OLFM2: variants seen among roughly 807,000 people sequenced by gnomAD.
OLFM2 encodes the protein noelin-2.
In OLFM2, 20 loss-of-function variants were observed where a neutral mutation model predicts 43.9. The observed-to-expected ratio is 0.46, with a 90% CI of 0.32 to 0.66. The LOEUF (loss-of-function observed/expected upper bound fraction) is 0.66. Ranked by LOEUF, OLFM2 falls within the 30% of genes least tolerant of loss-of-function variation. The pLI, the probability that OLFM2 is intolerant of heterozygous loss-of-function variation, is 0.04. For synonymous variants in OLFM2, 268 were observed against 278.6 expected, an observed-to-expected ratio of 0.96 and a Z score of 0.38; for missense variants, 416 against 643.6, an observed-to-expected ratio of 0.65 and a Z score of 3.83.
In OLFM2 at chr19:9,875,284, T is replaced by C. The variant is rs144341911; in HGVS notation, c.64-14490A>G. Among the ~76,000 whole-genome samples, 8 of 152,270 alleles carry C rather than the reference T, an allele frequency of 5.3e-5. No homozygotes were observed. In the East Asian group the frequency reaches 1.5e-3, roughly 29 times the overall value. On this transcript the variant is annotated intron_variant, in intron 1 of 5. Coordinates refer to ENST00000264833, the MANE Select transcript of OLFM2 (RefSeq NM_058164.4). Reference sequence around the variant, plus strand: ...GAGAGATCTTTCTAGCAAGATGGGGTTTCTTCCTTCACGGAGCTGTCACTT... The same window carrying C: ...GAGAGATCTTTCTAGCAAGATGGGGCTTCTTCCTTCACGGAGCTGTCACTT...
At position 9,885,817 on chromosome 19, in the gene OLFM2, G is replaced by A. The variant is rs116701974; in HGVS notation, c.64-25023C>T. The stretch of plus-strand genomic sequence containing the variant: ...CTGACTTTCAATTATGTGCTCCACA[G>A]TCAGGCACGGTGGCTCATGCCTGTA... On this transcript the variant is annotated intron_variant, in intron 1 of 5. Transcript: ENST00000264833. Among the ~76,000 whole-genome samples, 459 of 152,230 alleles carry A rather than the reference G, an allele frequency of 3.0e-3. 5 individuals carry two copies. The highest frequency in any genetic ancestry group is 1.0e-2 in the African/African-American group (415 of 41,550).
At chr19:9,912,062 C>T (rs1259316308) in intron 1 of OLFM2, among the ~76,000 whole-genome samples, 5 of 152,146 alleles carry the variant, frequency 3.3e-5, no homozygotes, top group Admixed American at 2.0e-4. Flanking sequence ...GAAGGCACAT[C>T]GGACCCCATG....
intron 1 of OLFM2, among the ~76,000 whole-genome samples, chr19:9,882,267 G>A (rs1021473637): frequency 5.2e-4 from 78 of 150,250 alleles, no homozygotes; most frequent in African/African-American, 6.9e-4. Context: ...GGCCAGGCGC[G>A]GTGGCTCATG....
At position 9,871,529 on chromosome 19, in the gene OLFM2, C is replaced by T. The variant is rs954688049; in HGVS notation, c.64-10735G>A. Among the ~76,000 whole-genome samples the T allele has an allele frequency of 8.0e-5, 12 of 150,672 alleles. No individual in the cohort carries two copies. The East Asian group carries it at 2.3e-3, about 29-fold the overall frequency. ...CGAAGGTTGCAGTGAGCTGAGATCC[C>T]GCCATTGCACTCCAGCCTGGGCCAC... On this transcript the variant is annotated intron_variant, in intron 1 of 5. Coordinates refer to ENST00000264833, the MANE Select transcript of OLFM2 (RefSeq NM_058164.4).
chr19:9,907,897 T>G (rs558430366), intron 1 of OLFM2, among the ~76,000 whole-genome samples: 3 of 151,664 alleles, frequency 2.0e-5, no homozygotes, highest in Non-Finnish European at 4.4e-5. Flanking sequence ...CCTAGCTACT[T>G]GGGAGGCTGA....
At chr19:9,928,806 A>C (rs2086467459) in intron 1 of OLFM2, among the ~76,000 whole-genome samples, 3 of 151,116 alleles carry the variant, frequency 2.0e-5, no homozygotes, top group African/African-American at 7.3e-5. Context: ...CTCTGTCTAA[A>C]AAAAAAAAAA....
chr19:9,854,097 G>C lies in OLFM2; in HGVS notation c.*89C>G, dbSNP rs1181591638. ...GGAGAAAGGGCGTGACAGAGACAGA[G>C]AGATCACCCTTGAGGGACACAGGCA... On this transcript the variant is annotated 3_prime_UTR_variant, in exon 6 of 6. Coordinates refer to ENST00000264833, the MANE Select transcript of OLFM2 (RefSeq NM_058164.4). The surrounding 1 kb of genome is among the most constrained non-coding windows in gnomAD (Gnocchi z 9.5). 6 of 1,186,680 alleles carry C rather than the reference G, an allele frequency of 5.1e-6. No individual in the cohort carries two copies. The Admixed American group carries it at 5.9e-5, about 12-fold the overall frequency. The allele number at this position is 1,186,680 out of a possible 1,614,324, so 73.5% of individuals were successfully genotyped here.
At chr19:9,855,484 T>C (rs2046309352) in intron 5 of OLFM2, among the ~76,000 whole-genome samples, 1 of 152,032 alleles carries the variant, frequency 6.6e-6, no homozygotes, top group Admixed American at 6.6e-5. Context: ...TGTGATCCAC[T>C]GTCTCAGCCT....
intron 1 of OLFM2, among the ~76,000 whole-genome samples, chr19:9,907,945 C>A (rs554423932): frequency 7.8e-4 from 119 of 152,072 alleles, no homozygotes; most frequent in African/African-American, 2.8e-3. Context: ...GCAGAGGTTG[C>A]AGTAAGCAAA....
chr19:9,924,913 T>C (rs1467140736), intron 1 of OLFM2, among the ~76,000 whole-genome samples: 1 of 151,684 alleles, frequency 6.6e-6, no homozygotes, highest in Non-Finnish European at 1.5e-5. Flanking sequence ...TATGCGTGTA[T>C]ATATATAGAT....
At position 9,896,341 on chromosome 19, in the gene OLFM2, C is replaced by T. The variant is rs370913532; in HGVS notation, c.64-35547G>A. On this transcript the variant is annotated intron_variant, in intron 1 of 5. Coordinates refer to ENST00000264833, the MANE Select transcript of OLFM2 (RefSeq NM_058164.4). Reference sequence around the variant, plus strand: ...GTCTCAATCTCCTCACCTTGTGATCCGCCCGCCTCAGCCTCCCAAAGTGCT... The same window carrying T: ...GTCTCAATCTCCTCACCTTGTGATCTGCCCGCCTCAGCCTCCCAAAGTGCT... Among the ~76,000 whole-genome samples the T allele has an allele frequency of 7.4e-4, 113 of 152,120 alleles. 3 individuals are homozygous for T. The South Asian group carries it at 0.022, about 29-fold the overall frequency.
At chr19:9,914,102 T>G in intron 1 of OLFM2, among the ~76,000 whole-genome samples, 1 of 107,200 alleles carries the variant, frequency 9.3e-6, no homozygotes, top group Admixed American at 8.6e-5. Flanking sequence ...CCCCTCCCCC[T>G]AGGCGGTGTT....
At chr19:9,891,963 T>C (rs1426994572) in intron 1 of OLFM2, among the ~76,000 whole-genome samples, 2 of 152,046 alleles carry the variant, frequency 1.3e-5, no homozygotes, top group African/African-American at 2.4e-5. Flanking sequence ...TGTCAGATGA[T>C]AGATAAGTGA....
In OLFM2 at chr19:9,857,475, T is replaced by C; in HGVS notation, c.368A>G (p.Lys123Arg). Residue 123 changes from lysine (K) to arginine (R), a missense_variant, in exon 4 of 6, where the codon AAG becomes AGG. Physicochemically the swap from Lys to Arg is conservative, Grantham distance 26 (BLOSUM62 2). Transcript: ENST00000264833. This position sits in a 1 kb window ranked among gnomAD's most constrained non-coding sequence, Gnocchi z 5.7. ...SLSAKSFQEL[K>R]DRMTELLPLS... The stretch of plus-strand genomic sequence containing the variant: ...GGGCAACAGTTCCGTCATCCTGTCC[T>C]TCAGCTCCTGTGCATCAAGATGGAA... 3.7e-6 allele frequency: 6 copies of C among 1,613,630 alleles called. No homozygotes were observed. Among genetic ancestry groups the C allele is most frequent in the Non-Finnish European group, 5.1e-6 (6 of 1,179,996 alleles).
chr19:9,863,199 T>C (rs553815167), intron 1 of OLFM2, among the ~76,000 whole-genome samples: 1 of 152,112 alleles, frequency 6.6e-6, no homozygotes, highest in East Asian at 1.9e-4. Context: ...CTGGTGTGTT[T>C]GTGAAACAAG....
intron 1 of OLFM2, among the ~76,000 whole-genome samples, chr19:9,891,575 AC>A (rs1197903829): frequency 6.7e-6 from 1 of 149,760 alleles, no homozygotes; most frequent in Non-Finnish European, 1.5e-5. Flanking sequence ...CTGAGATGGC[AC>A]CACTGCACTC....
chr19:9,922,295 T>C (rs927675810), intron 1 of OLFM2, among the ~76,000 whole-genome samples: 2 of 147,688 alleles, frequency 1.4e-5, no homozygotes, highest in African/African-American at 2.5e-5. Context: ...CACACACACA[T>C]TCCTACAAAT....
At chr19:9,860,835 G>C (rs1448934812) in intron 1 of OLFM2, 41 bp from the exon 2 acceptor site, 1 of 1,576,186 alleles carries the variant, frequency 6.3e-7, no homozygotes, top group Non-Finnish European at 8.6e-7. Flanking sequence ...TCCCAGTGAG[G>C]GTCTCGCCTC....
intron 1 of OLFM2, among the ~76,000 whole-genome samples, chr19:9,864,377 T>A (rs2046384722): frequency 6.6e-6 from 1 of 152,170 alleles, no homozygotes; most frequent in African/African-American, 2.4e-5. Flanking sequence ...CTTGGCTCAC[T>A]GCAACCTCCA....
Sources: gnomAD v4.1 joint callset for allele counts (sites outside exome capture counted in the v4.1 genomes callset) on GRCh38, gnomAD v4.1.1 for gene constraint, Gnocchi (gnomAD v3.1) non-coding constraint, MANE v1.5 for transcripts, NCBI Gene and HGNC (gene_info 2026-07-23, HGNC 2026-07-21) for gene names.